ZNF469: variants seen among roughly 807,000 people sequenced by gnomAD.
The protein encoded by ZNF469 is zinc finger protein 469.
A neutral mutation model predicts 1.0 loss-of-function variants in ZNF469; 1 was observed. That is an observed-to-expected ratio of 1.00 (90% CI 0.35 to 4.73). The LOEUF is 4.73. Ranked by LOEUF, ZNF469 falls within the 30% of genes most tolerant of loss-of-function variation. The pLI is 0.16. For synonymous variants in ZNF469, 2,703 were observed against 2,363.4 expected (o/e 1.14, Z -4.17); for missense variants, 6,100 against 5,356.3 (o/e 1.14, Z -4.33).
intron 1 of ZNF469, among the ~76,000 whole-genome samples, chr16:88,407,232 C>A (rs1905049086): frequency 6.6e-6 from 1 of 152,232 alleles, no homozygotes; most frequent in South Asian, 2.1e-4. Context: ...GGTGGGAGCT[C>A]CTGCGTCACT....
At chr16:88,219,665 C>G in the ZNF469 span, among the ~76,000 whole-genome samples, 1 of 151,734 alleles carries the variant, frequency 6.6e-6, no homozygotes, top group African/African-American at 2.4e-5. Flanking sequence ...CCATAAAAAC[C>G]CTAGAAGAAA....
the ZNF469 span, among the ~76,000 whole-genome samples, chr16:88,308,571 T>C: frequency 6.6e-6 from 1 of 152,144 alleles, no homozygotes; most frequent in African/African-American, 2.4e-5. Flanking sequence ...TCTAGTCCTC[T>C]CCCACTAGAG....
At position 88,430,188 on chromosome 16, in the gene ZNF469, G is replaced by A. The variant is rs1427749797; in HGVS notation, c.2718G>A (p.Pro906=). Residue 906 remains proline (P), a synonymous_variant, in exon 3 of 3, where the codon CCG becomes CCA. Transcript: ENST00000565624. ...KAPPPLPAAT[P]DPQTPRPGDR... is the part of the protein sequence containing the mutation. ...CGCCCCCGCTCCCAGCAGCCACGCC[G>A]GACCCCCAAACCCCCCGCCCTGGGG... is the stretch of plus-strand genomic sequence containing the variant. The A allele has an allele frequency of 3.0e-5, 46 of 1,547,474 alleles. No individual in the cohort carries two copies. Among genetic ancestry groups the A allele is most frequent in the Non-Finnish European group, 3.8e-5 (44 of 1,145,378 alleles).
At chr16:88,143,904 T>C in the ZNF469 span, among the ~76,000 whole-genome samples, 1 of 152,246 alleles carries the variant, frequency 6.6e-6, no homozygotes, top group South Asian at 2.1e-4. Flanking sequence ...TATTTCCCTG[T>C]GTTCGCTGCC....
chr16:88,247,317 G>T, the ZNF469 span, among the ~76,000 whole-genome samples: 2 of 149,900 alleles, frequency 1.3e-5, no homozygotes, highest in African/African-American at 4.9e-5. Flanking sequence ...GAGTGAATGA[G>T]TGAGTGAATG....
chr16:88,146,449 G>A, the ZNF469 span, among the ~76,000 whole-genome samples: 7 of 152,110 alleles, frequency 4.6e-5, no homozygotes, highest in African/African-American at 7.2e-5. Context: ...CTGTGGACCC[G>A]GGTCTCACGC....
the ZNF469 span, among the ~76,000 whole-genome samples, chr16:88,122,069 T>C: frequency 0.047 from 6,123 of 129,564 alleles, 292 homozygotes; most frequent in Non-Finnish European, 0.076. Context: ...GATCGCACCC[T>C]GTCACTTGCT....
the ZNF469 span, among the ~76,000 whole-genome samples, chr16:88,186,443 C>T: frequency 2.6e-5 from 4 of 152,202 alleles, no homozygotes; most frequent in African/African-American, 7.2e-5. Flanking sequence ...GCCCATCGTG[C>T]GCTGGGGGAA....
At chr16:88,213,801 C>T in the ZNF469 span, among the ~76,000 whole-genome samples, 1,193 of 152,350 alleles carry the variant, frequency 7.8e-3, 23 homozygotes, top group African/African-American at 0.027. Flanking sequence ...AGCTCAGTCT[C>T]CTCTTCTGTT....
chr16:88,307,459 G>A, the ZNF469 span, among the ~76,000 whole-genome samples: 2 of 152,162 alleles, frequency 1.3e-5, no homozygotes, highest in African/African-American at 2.4e-5. Flanking sequence ...ACATTCCCAC[G>A]GGCAGTGTGG....
the ZNF469 span, among the ~76,000 whole-genome samples, chr16:88,274,423 C>T: frequency 1.3e-5 from 2 of 152,168 alleles, no homozygotes; most frequent in African/African-American, 4.8e-5. Flanking sequence ...GTGTATTTTA[C>T]CACAATAAAA....
chr16:88,181,826 C>G, the ZNF469 span, among the ~76,000 whole-genome samples: 3 of 152,264 alleles, frequency 2.0e-5, no homozygotes, highest in African/African-American at 4.8e-5. Context: ...AGACTGGAAA[C>G]AAAGTCAGAA....
the ZNF469 span, among the ~76,000 whole-genome samples, chr16:88,310,644 G>A: frequency 1.2e-4 from 18 of 151,416 alleles, no homozygotes; most frequent in South Asian, 2.1e-4. Context: ...GTGCAGCAGC[G>A]CGATCTCGGC....
the ZNF469 span, among the ~76,000 whole-genome samples, chr16:88,315,879 T>C: frequency 1.3e-5 from 2 of 152,210 alleles, no homozygotes; most frequent in Non-Finnish European, 2.9e-5. Context: ...CCCCTCCTGC[T>C]GAGTCACACA....
At chr16:88,109,457 C>G in the ZNF469 span, among the ~76,000 whole-genome samples, 26 of 152,394 alleles carry the variant, frequency 1.7e-4, 1 homozygote, top group South Asian at 5.2e-3. Context: ...TCAGGCAAAG[C>G]TGGGCATCTG....
rs748808102 is a variant in ZNF469, at chr16:88,436,852, G to C, written c.9382G>C (p.Gly3128Arg). The C allele has an allele frequency of 1.3e-6, 2 of 1,530,828 alleles. No homozygotes were observed. The highest frequency in any genetic ancestry group is 2.7e-5 in the African/African-American group (2 of 72,906). The allele number at this position is 1,530,828 out of a possible 1,614,324, so 94.8% of individuals were successfully genotyped here. The stretch of plus-strand genomic sequence containing the variant: ...GTGCTTCCAGCGCTTCCGCAGCCTG[G>C]GCGAGCTGGACCTGCACAAGCTGGC... ...KVCFQRFRSL[G>R]ELDLHKLAHT... The change falls in exon 3 of 3, where the codon GGC (glycine) becomes CGC (arginine). Residue 3128 changes from glycine to arginine, a missense_variant. By Grantham distance (125) the Gly-to-Arg change is moderately radical. Coordinates refer to ENST00000565624, the MANE Select transcript of ZNF469 (RefSeq NM_001367624.2).
chr16:88,117,536 GGCCAGTTTAT>G, the ZNF469 span, among the ~76,000 whole-genome samples: 4 of 152,242 alleles, frequency 2.6e-5, no homozygotes, highest in Non-Finnish European at 5.9e-5. Context: ...CTGAGACTCA[GGCCAGTTTAT>G]ACCTGTGGAA....
chr16:88,305,092 C>A, the ZNF469 span, among the ~76,000 whole-genome samples: 1 of 152,166 alleles, frequency 6.6e-6, no homozygotes, highest in Non-Finnish European at 1.5e-5. Flanking sequence ...CAGTGATGGG[C>A]ATCAGCAGGA....
At chr16:88,126,183 C>T in the ZNF469 span, among the ~76,000 whole-genome samples, 1 of 103,464 alleles carries the variant, frequency 9.7e-6, no homozygotes, top group East Asian at 2.6e-4. Context: ...AGTGAGACTC[C>T]ATCCCAAAAA....
Sources: gnomAD v4.1 joint callset for allele counts (sites outside exome capture counted in the v4.1 genomes callset) on GRCh38, gnomAD v4.1.1 for gene constraint, MANE v1.5 for transcripts, NCBI Gene and HGNC (gene_info 2026-07-23, HGNC 2026-07-21) for gene names.